SLCO2A1: variants seen among roughly 807,000 people sequenced by gnomAD.
SLCO2A1 encodes matrin F/G 1.
SLCO2A1 carries 60 observed loss-of-function variants against 71.7 expected under a neutral mutation model. The ratio of observed to expected loss-of-function variants is 0.84; its 90% CI spans 0.68 to 1.04. SLCO2A1 has a LOEUF of 1.04. SLCO2A1 is among the 50% of genes least tolerant of loss of function. The probability of loss-of-function intolerance (pLI) is 0.00; values close to 1 mark genes in which losing one functional copy is unlikely to be tolerated. For synonymous variants in SLCO2A1, 308 were observed against 326.7 expected (o/e 0.94, Z 0.62); for missense variants, 745 against 813.4 (o/e 0.92, Z 1.02).
At chr3:133,957,936 T>C (rs1373446951) in intron 3 of SLCO2A1, among the ~76,000 whole-genome samples, 1 of 152,168 alleles carries the variant, frequency 6.6e-6, no homozygotes, top group Non-Finnish European at 1.5e-5. Context: ...TGCCCAAGCA[T>C]GAGAAGTCAG....
At chr3:133,960,793 G>T (rs936160208) in intron 3 of SLCO2A1, among the ~76,000 whole-genome samples, 1 of 152,120 alleles carries the variant, frequency 6.6e-6, no homozygotes, top group Non-Finnish European at 1.5e-5. Context: ...TATGAGAGAG[G>T]CAGCAGACCC....
intron 1 of SLCO2A1, among the ~76,000 whole-genome samples, chr3:134,004,696 T>C (rs1351413548): frequency 2.0e-5 from 3 of 152,120 alleles, no homozygotes; most frequent in African/African-American, 7.2e-5. Flanking sequence ...AGGAGAGTGA[T>C]TCAGATGGTG....
In SLCO2A1 at chr3:134,029,148, G is replaced by C. The variant is rs536082178; in HGVS notation, c.96+559C>G. Among the ~76,000 whole-genome samples, 2 of 152,138 alleles carry C rather than the reference G, an allele frequency of 1.3e-5. 1 individual carries two copies. The highest frequency in any genetic ancestry group is 4.1e-4 in the South Asian group (2 of 4,828). ...TCTAAACATAACTGCGAGCGGCACA[G>C]CCAGGTAGCAGAGCCCCCCGCCCCC... On this transcript the variant is annotated intron_variant, in intron 1 of 13. Coordinates refer to ENST00000310926, the MANE Select transcript of SLCO2A1 (RefSeq NM_005630.3).
chr3:133,934,593 G>C lies in SLCO2A1; in HGVS notation c.*120C>G. Reference sequence around the variant, plus strand: ...AGGTAGGGAAGGCAAATGAGGACTGGGGTTTTCTTTCTTGTTTAAAAATAC... The same window carrying C: ...AGGTAGGGAAGGCAAATGAGGACTGCGGTTTTCTTTCTTGTTTAAAAATAC... On this transcript the variant is annotated 3_prime_UTR_variant, in exon 14 of 14. Transcript: ENST00000310926. The C allele has an allele frequency of 1.4e-6, 1 of 733,992 alleles. No individual in the cohort carries two copies. The highest frequency in any genetic ancestry group is 2.3e-6 in the Non-Finnish European group (1 of 434,064). 45.5% of individuals were successfully genotyped at this position (733,992 alleles called of 1,614,324 possible). A position where few individuals can be genotyped will look rare whatever the true frequency, so the allele number is the denominator to read the frequency against.
chr3:134,000,432 C>T (rs1935084542), intron 1 of SLCO2A1, among the ~76,000 whole-genome samples: 1 of 152,072 alleles, frequency 6.6e-6, no homozygotes, highest in Non-Finnish European at 1.5e-5. Context: ...AGAAGCTAGG[C>T]ACCTTCTGAC....
intron 1 of SLCO2A1, among the ~76,000 whole-genome samples, chr3:133,994,841 C>T (rs542253766): frequency 2.5e-4 from 38 of 152,276 alleles, no homozygotes; most frequent in African/African-American, 8.4e-4. Flanking sequence ...AAACCAAGCT[C>T]CAAGTCCACT....
intron 3 of SLCO2A1, among the ~76,000 whole-genome samples, chr3:133,955,823 C>T (rs952874121): frequency 6.6e-6 from 1 of 152,208 alleles, no homozygotes; most frequent in African/African-American, 2.4e-5. Context: ...TCCGGGGAAG[C>T]TCCCAGAACT....
intron 9 of SLCO2A1, 102 bp downstream of exon 9, chr3:133,947,154 A>G: frequency 2.0e-6 from 2 of 1,009,498 alleles, no homozygotes; most frequent in African/African-American, 1.6e-5. Context: ...AAAAGTGTAC[A>G]GCAAAGAATA....
At chr3:133,953,819 T>A in intron 4 of SLCO2A1, 58 bp from the exon 5 acceptor site, 1 of 1,391,514 alleles carries the variant, frequency 7.2e-7, no homozygotes, top group Non-Finnish European at 1.0e-6. Context: ...TTGGCAGCCT[T>A]GGGCTCCCAA....
intron 3 of SLCO2A1, among the ~76,000 whole-genome samples, chr3:133,971,448 T>A (rs537397736): frequency 6.6e-6 from 1 of 152,340 alleles, no homozygotes; most frequent in African/African-American, 2.4e-5. Context: ...TGGAGATTTA[T>A]AAAAAGGTGG....
chr3:134,022,228 T>G (rs182378679), intron 1 of SLCO2A1, among the ~76,000 whole-genome samples: 35 of 152,164 alleles, frequency 2.3e-4, no homozygotes, highest in African/African-American at 8.4e-4. Context: ...GCGAAAGTCA[T>G]GAAAGAAAAA....
chr3:134,029,308 T>C (rs1453821740), intron 1 of SLCO2A1, among the ~76,000 whole-genome samples: 1 of 152,104 alleles, frequency 6.6e-6, no homozygotes, highest in African/African-American at 2.4e-5. Context: ...GCCCATCCCA[T>C]TGACGAAGTA....
chr3:133,980,039 C>T (rs1420578560), intron 1 of SLCO2A1, among the ~76,000 whole-genome samples: 1 of 152,186 alleles, frequency 6.6e-6, no homozygotes, highest in Non-Finnish European at 1.5e-5. Context: ...GGCCACTCCC[C>T]ATCCAATTCA....
intron 1 of SLCO2A1, among the ~76,000 whole-genome samples, chr3:134,002,141 T>C (rs2108070247): frequency 6.6e-6 from 1 of 152,272 alleles, no homozygotes; most frequent in Middle Eastern, 3.4e-3. Flanking sequence ...TCCCAAAACG[T>C]TTGCCATTTC....
Position 133,935,830 on chromosome 3 carries a change from C to T in SLCO2A1, c.1758G>A (p.Leu586=), listed in dbSNP as rs1193258465. The change falls in exon 13 of 14, where the codon CTG becomes CTA. Residue 586 remains leucine (L), a synonymous_variant. Coordinates refer to ENST00000310926, the MANE Select transcript of SLCO2A1 (RefSeq NM_005630.3). ...CGCAGGCCCCTCGCCTCCCCAAGCACAGCGAGTTCCACCGGATGCAGGAGT... is the reference window on the plus strand; with the variant it reads ...CGCAGGCCCCTCGCCTCCCCAAGCATAGCGAGTTCCACCGGATGCAGGAGT... ...IDHSCIRWNS[L]CLGRRGACAY... The T allele has an allele frequency of 6.2e-7, 1 of 1,611,712 alleles. No homozygotes were observed. The highest frequency in any genetic ancestry group is 8.5e-7 in the Non-Finnish European group (1 of 1,178,584).
At chr3:133,960,823 T>C (rs967470845) in intron 3 of SLCO2A1, among the ~76,000 whole-genome samples, 15 of 152,072 alleles carry the variant, frequency 9.9e-5, no homozygotes, top group Non-Finnish European at 1.6e-4. Flanking sequence ...GGAGAGGACA[T>C]TCTGGAGAAG....
At chr3:133,966,232 A>G (rs575723412) in intron 3 of SLCO2A1, among the ~76,000 whole-genome samples, 1 of 152,324 alleles carries the variant, frequency 6.6e-6, no homozygotes, top group East Asian at 1.9e-4. Flanking sequence ...CCACTACAGC[A>G]AAGTTGAATA....
chr3:133,986,661 T>C (rs1200062233), intron 1 of SLCO2A1, among the ~76,000 whole-genome samples: 2 of 152,192 alleles, frequency 1.3e-5, no homozygotes, highest in Non-Finnish European at 2.9e-5. Context: ...GAGAACTTTT[T>C]ACCACCCGTG....
chr3:133,943,876 G>GT (rs1229771830), intron 10 of SLCO2A1, among the ~76,000 whole-genome samples: 12 of 152,234 alleles, frequency 7.9e-5, no homozygotes, highest in Admixed American at 7.9e-4. Flanking sequence ...GAGGAGGTTG[G>GT]TAAGTAGGCA....
Sources: gnomAD v4.1 joint callset for allele counts (sites outside exome capture counted in the v4.1 genomes callset) on GRCh38, gnomAD v4.1.1 for gene constraint, MANE v1.5 for transcripts, NCBI Gene and HGNC (gene_info 2026-07-23, HGNC 2026-07-21) for gene names.